Variants in ADD2 observed in about 807,000 individuals in gnomAD.
ADD2 encodes beta-adducin.
Under a neutral mutation model 83.0 loss-of-function variants are expected in ADD2, and 23 were observed. That is an observed-to-expected ratio of 0.28 (90% confidence interval 0.20 to 0.39). The LOEUF (loss-of-function observed/expected upper bound fraction) is 0.39. Ranked by LOEUF, ADD2 falls within the 10% of genes least tolerant of loss-of-function variation. The probability of loss-of-function intolerance (pLI) is 1.00; values close to 1 mark genes in which losing one functional copy is unlikely to be tolerated. For missense variants in ADD2, 758 were observed against 944.9 expected, an observed-to-expected ratio of 0.80 and a Z score of 2.59; for synonymous variants, 375 against 375.4, an observed-to-expected ratio of 1.00 and a Z score of 0.01.
At position 70,696,344 on chromosome 2, in the gene ADD2, G is replaced by A. The variant is rs1007633583; in HGVS notation, c.375C>T (p.Asn125=). 6.2e-7 allele frequency: 1 copy of A among 1,614,074 alleles called. No homozygotes were observed. The highest frequency in any genetic ancestry group is 1.3e-5 in the African/African-American group (1 of 74,930). ...GCATGAGCCGCTCCCCTTTGGCCAGGTTCAGGGAGTCAGCTGTGTGGAGGT... is the reference window on the plus strand; with the variant it reads ...GCATGAGCCGCTCCCCTTTGGCCAGATTCAGGGAGTCAGCTGTGTGGAGGT... ...INDLHTADSL[N]LAKGERLMRC... is the part of the protein sequence containing the mutation. Residue 125 remains asparagine (N), a synonymous_variant, in exon 5 of 16, where the codon AAC becomes AAT. Transcript: ENST00000264436.
intron 9 of ADD2, among the ~76,000 whole-genome samples, chr2:70,686,500 T>C (rs183681351): frequency 3.0e-3 from 460 of 152,282 alleles, no homozygotes; most frequent in African/African-American, 0.011. Flanking sequence ...TACTTCACCA[T>C]GTGGGGTGGT....
rs530738143 is a variant in ADD2, at chr2:70,732,721, C to T, written c.-153-19537G>A. On this transcript the variant is annotated intron_variant, in intron 1 of 15. Transcript: ENST00000264436. ...TAAAGAACTCGGCCAGCTAAAGTCT[C>T]CTCTGAACCAAGCCCACTGTTTGCC... Among the ~76,000 whole-genome samples, 6 of 152,242 alleles carry T rather than the reference C, an allele frequency of 3.9e-5. No individual in the cohort carries two copies. In the South Asian group the frequency reaches 1.2e-3, roughly 32 times the overall value.
At position 70,731,859 on chromosome 2, in the gene ADD2, C is replaced by T. The variant is rs1673299755; in HGVS notation, c.-153-18675G>A. ...ATATGTGTCATGTCAGGCAGTCCCA[C>T]AAGAGGAGGTAGACAATGCACCAAC... On this transcript the variant is annotated intron_variant, in intron 1 of 15. Transcript: ENST00000264436. 2.6e-5 allele frequency among the ~76,000 whole-genome samples: 4 copies of T among 152,208 alleles called. No homozygotes were observed. In the South Asian group the frequency reaches 8.3e-4, roughly 31 times the overall value.
chr2:70,712,111 T>C (rs782472318), intron 2 of ADD2, among the ~76,000 whole-genome samples: 42 of 152,120 alleles, frequency 2.8e-4, no homozygotes, highest in Non-Finnish European at 3.8e-4. Flanking sequence ...CCAGGACCAA[T>C]CTATGAGGTC....
At chr2:70,703,622 A>G (rs1246530857) in intron 4 of ADD2, among the ~76,000 whole-genome samples, 2 of 152,244 alleles carry the variant, frequency 1.3e-5, no homozygotes, top group African/African-American at 4.8e-5. Flanking sequence ...TCCTAACAGA[A>G]AAAGTTGGAA....
rs1675631602 is a variant in ADD2, at chr2:70,663,696, G to A, written c.1910C>T (p.Thr637Ile). ...TTCCGGCTGGGTTGTTTCGGGCTCT[G>A]TGGTGGCGGCTTTGCTTGTTTCTGT... ...KKTETSKAATTEPETTQPEGV... is the reference protein window; with the variant it reads ...KKTETSKAATIEPETTQPEGV... Residue 637 changes from threonine to isoleucine, a missense_variant, in exon 16 of 16, where the codon ACA (threonine) becomes ATA (isoleucine). By Grantham distance (89) the Thr-to-Ile change is moderately conservative (BLOSUM62 -1). This residue lies in a region of ADD2 where 165 missense variants were observed against 176.2 expected (regional missense o/e 0.94). Coordinates refer to ENST00000264436, the MANE Select transcript of ADD2 (RefSeq NM_001617.4). 1.2e-6 allele frequency: 2 copies of A among 1,614,108 alleles called. No homozygotes were observed. The highest frequency in any genetic ancestry group is 8.5e-7 in the Non-Finnish European group (1 of 1,180,026).
At chr2:70,763,634 AT>A (rs1675229340) in intron 1 of ADD2, among the ~76,000 whole-genome samples, 1 of 151,992 alleles carries the variant, frequency 6.6e-6, no homozygotes, top group Non-Finnish European at 1.5e-5. Context: ...AAATACAACT[AT>A]CCACTTTAAA....
chr2:70,686,384 A>G (rs1389003836), intron 9 of ADD2, among the ~76,000 whole-genome samples: 1 of 152,112 alleles, frequency 6.6e-6, no homozygotes, highest in African/African-American at 2.4e-5. Flanking sequence ...CTGAAACGAA[A>G]GTGATAGCAG....
intron 1 of ADD2, among the ~76,000 whole-genome samples, chr2:70,717,523 C>T (rs2104426583): frequency 6.6e-6 from 1 of 152,310 alleles, no homozygotes; most frequent in East Asian, 1.9e-4. Flanking sequence ...AAGACGCAAG[C>T]TGCCACTTCC....
intron 1 of ADD2, among the ~76,000 whole-genome samples, chr2:70,752,378 GAAT>G (rs1203995721): frequency 2.0e-5 from 3 of 152,226 alleles, no homozygotes; most frequent in Admixed American, 2.0e-4. Context: ...CAAGAAATGA[GAAT>G]AATAATACCA....
rs1461673814 is a variant in ADD2 at position 70,683,726 on chromosome 2, G to T, written c.990C>A (p.Ile330=). 3 of 1,613,992 alleles carry T rather than the reference G, an allele frequency of 1.9e-6. No individual in the cohort carries two copies. The highest frequency in any genetic ancestry group is 2.5e-6 in the Non-Finnish European group (3 of 1,179,978). ...LSSAGGVENL[I]LLEQEKHRPH... ...GCCGGTGCTTCTCCTGCTCCAGGAG[G>T]ATGAGGTTCTCCACTCCCCCGGCAC... is the stretch of plus-strand genomic sequence containing the variant. The change falls in exon 10 of 16, where the codon ATC becomes ATA. Residue 330 remains isoleucine (I), a synonymous_variant. Coordinates refer to ENST00000264436, the MANE Select transcript of ADD2 (RefSeq NM_001617.4).
At chr2:70,725,572 GAC>G (rs1311400514) in intron 1 of ADD2, among the ~76,000 whole-genome samples, 5 of 152,104 alleles carry the variant, frequency 3.3e-5, no homozygotes, top group African/African-American at 1.2e-4. Flanking sequence ...GTCCTTATAA[GAC>G]ACAGACACAC....
At chr2:70,734,128 G>C (rs1281954409) in intron 1 of ADD2, among the ~76,000 whole-genome samples, 1 of 152,144 alleles carries the variant, frequency 6.6e-6, no homozygotes, top group South Asian at 2.1e-4. Context: ...GGAGTTGGGG[G>C]CTCTATTAAT....
At chr2:70,743,133 G>C (rs898918640) in intron 1 of ADD2, among the ~76,000 whole-genome samples, 1 of 152,132 alleles carries the variant, frequency 6.6e-6, no homozygotes, top group Admixed American at 6.5e-5. Context: ...ATGATAGACT[G>C]GTCAGCGTCC....
rs782723909 is a variant in ADD2, at chr2:70,677,874, T to C, written c.1387A>G (p.Met463Val). 1 of 1,614,144 alleles carries C rather than the reference T, an allele frequency of 6.2e-7. No homozygotes were observed. The highest frequency in any genetic ancestry group is 1.1e-5 in the South Asian group (1 of 91,058). ...MGSPRPKTTW[M>V]KADEVEKSSS... Reference sequence around the variant, plus strand: ...GATTTCTCCACCTCGTCAGCCTTCATCCACTGCACAAACACAAGGTCATGG... The same window carrying C: ...GATTTCTCCACCTCGTCAGCCTTCACCCACTGCACAAACACAAGGTCATGG... Residue 463 changes from methionine (M) to valine (V), a missense_variant, in exon 12 of 16, where the codon ATG becomes GTG. This residue lies in a region of ADD2 where 394 missense variants were observed against 509.3 expected (regional missense o/e 0.77). Transcript: ENST00000264436.
In ADD2 at chr2:70,659,737, A is replaced by G. The variant is rs1368174345; in HGVS notation, c.*3688T>C. 1.3e-5 allele frequency: 2 copies of G among 152,194 alleles called. No homozygotes were observed. Among genetic ancestry groups the G allele is most frequent in the African/African-American group, 4.8e-5 (2 of 41,424 alleles). 9.4% of individuals were successfully genotyped at this position (152,194 alleles called of 1,614,324 possible). A position where few individuals can be genotyped will look rare whatever the true frequency, so the allele number is the denominator to read the frequency against. ...CAGTTTGGGAGGAAGGTCACATGGTATGGACGGTTCTCTCACACCACTGTT... is the reference window on the plus strand; with the variant it reads ...CAGTTTGGGAGGAAGGTCACATGGTGTGGACGGTTCTCTCACACCACTGTT... On this transcript the variant is annotated 3_prime_UTR_variant, in exon 16 of 16. Coordinates refer to ENST00000264436, the MANE Select transcript of ADD2 (RefSeq NM_001617.4).
At chr2:70,767,479 A>G (rs1323469453) in intron 1 of ADD2, 4 of 283,162 alleles carry the variant, frequency 1.4e-5, no homozygotes, top group African/African-American at 2.6e-5. Context: ...GCTACCCCGG[A>G]GGGCGGCGGC....
intron 1 of ADD2, among the ~76,000 whole-genome samples, chr2:70,752,798 C>A (rs1176002810): frequency 2.6e-5 from 4 of 152,164 alleles, no homozygotes; most frequent in Admixed American, 2.6e-4. Context: ...AGCCTCACTA[C>A]CCAAAGTAAG....
chr2:70,665,607 C>T (rs1378324738), intron 15 of ADD2, among the ~76,000 whole-genome samples: 2 of 152,144 alleles, frequency 1.3e-5, no homozygotes, highest in South Asian at 2.1e-4. Context: ...CACTGTCATC[C>T]CAGCCCATTC....
Sources: gnomAD v4.1 joint callset for allele counts (sites outside exome capture counted in the v4.1 genomes callset) on GRCh38, gnomAD v4.1.1 for gene constraint, gnomAD v4.1.1 regional missense constraint, MANE v1.5 for transcripts, NCBI Gene and HGNC (gene_info 2026-07-23, HGNC 2026-07-21) for gene names.